Variants in LHX2 observed in about 807,000 individuals in gnomAD.
The protein encoded by LHX2 is LIM/homeobox protein Lhx2.
In LHX2, 6 loss-of-function variants were observed where a neutral mutation model predicts 33.0. That is an observed-to-expected ratio of 0.18 (90% CI 0.10 to 0.36). The LOEUF (loss-of-function observed/expected upper bound fraction) is 0.36. LHX2 is among the 10% of genes least tolerant of loss of function. The pLI is 1.00. For synonymous variants in LHX2, 292 were observed against 253.1 expected (o/e 1.15, Z -1.46); for missense variants, 442 against 586.2 (o/e 0.75, Z 2.54).
At position 124,012,223 on chromosome 9, in the gene LHX2, G is replaced by T; in HGVS notation, c.-126G>T. 1 of 993,874 alleles carries T rather than the reference G, an allele frequency of 1.0e-6. No homozygotes were observed. Among genetic ancestry groups the T allele is most frequent in the Non-Finnish European group, 1.3e-6 (1 of 786,360 alleles). 61.6% of individuals were successfully genotyped at this position (993,874 alleles called of 1,614,324 possible). On this transcript the variant is annotated 5_prime_UTR_variant, in exon 1 of 5. Coordinates refer to ENST00000373615, the MANE Select transcript of LHX2 (RefSeq NM_004789.4). The surrounding 1 kb of genome is among the most constrained non-coding windows in gnomAD (Gnocchi z 4.3). ...CCGGCCTGGGGGCTCAGCCGAGCTC[G>T]GGCGGGGCCGGGGCCGCGGTGGCGA...
chr9:124,030,270 C>T (rs72757181), intron 4 of LHX2, among the ~76,000 whole-genome samples: 9,522 of 152,284 alleles, frequency 0.063, 402 homozygotes, highest in Non-Finnish European at 0.088. Context: ...CCAAGGGGTG[C>T]GTGGGGCCAG....
rs1205413734 is a variant in LHX2 at position 124,014,277 on chromosome 9, A to G, written c.323+114A>G. 8.0e-6 allele frequency: 5 copies of G among 627,910 alleles called. No individual in the cohort carries two copies. Among genetic ancestry groups the G allele is most frequent in the Non-Finnish European group, 1.2e-5 (4 of 342,078 alleles). 38.9% of individuals were successfully genotyped at this position (627,910 alleles called of 1,614,324 possible). On this transcript the variant is annotated intron_variant, in intron 2 of 4. Transcript: ENST00000373615. This position sits in a 1 kb window ranked among gnomAD's most constrained non-coding sequence, Gnocchi z 4.8. ...CCCAGGAGAGGGTTCACTACTCAGG[A>G]CTCCCCCGCTCCCCCCCCAAGTTCT... is the stretch of plus-strand genomic sequence containing the variant.
At chr9:124,025,885 T>C (rs1371002657) in intron 4 of LHX2, among the ~76,000 whole-genome samples, 1 of 152,050 alleles carries the variant, frequency 6.6e-6, no homozygotes, top group Non-Finnish European at 1.5e-5. Context: ...CTCGGGAGGC[T>C]GAGGCAGGAG....
At chr9:124,027,094 C>T (rs1208744221) in intron 4 of LHX2, among the ~76,000 whole-genome samples, 2 of 152,098 alleles carry the variant, frequency 1.3e-5, no homozygotes, top group Non-Finnish European at 1.5e-5. Context: ...AGTGACTTTC[C>T]CAAGAACCAC....
chr9:124,014,387 A>G lies in LHX2; in HGVS notation c.323+224A>G, dbSNP rs1403009771. Among the ~76,000 whole-genome samples the G allele has an allele frequency of 1.3e-5, 2 of 151,972 alleles. No individual in the cohort carries two copies. Among genetic ancestry groups the G allele is most frequent in the Non-Finnish European group, 2.9e-5 (2 of 68,008 alleles). The stretch of plus-strand genomic sequence containing the variant: ...AAGGTCTACGAAGTAGGAGAACCAG[A>G]AAAAAAGCAGAAGCTGCCCTCCTGC... On this transcript the variant is annotated intron_variant, in intron 2 of 4. Transcript: ENST00000373615. This position sits in a 1 kb window ranked among gnomAD's most constrained non-coding sequence, Gnocchi z 4.8.
chr9:124,017,421 G>T (rs189790299), intron 3 of LHX2, among the ~76,000 whole-genome samples: 1 of 152,304 alleles, frequency 6.6e-6, no homozygotes, highest in African/African-American at 2.4e-5. Flanking sequence ...GCCCAGCCCA[G>T]TCTTCCTAGA....
intron 4 of LHX2, among the ~76,000 whole-genome samples, chr9:124,022,029 A>G (rs1253290880): frequency 1.3e-5 from 2 of 152,102 alleles, no homozygotes; most frequent in African/African-American, 4.8e-5. Context: ...AAGATCCAGA[A>G]CTTTCACCAA....
chr9:124,015,490 C>T lies in LHX2; in HGVS notation c.692C>T (p.Pro231Leu), dbSNP rs776604677. 6.8e-6 allele frequency: 10 copies of T among 1,480,562 alleles called. No individual in the cohort carries two copies. In the African/African-American group the frequency reaches 8.5e-5, roughly 13 times the overall value. The allele number at this position is 1,480,562 out of a possible 1,614,324, so 91.7% of individuals were successfully genotyped here. A position where few individuals can be genotyped will look rare whatever the true frequency, so the allele number is the denominator to read the frequency against. Reference protein sequence around the residue: ...QKGRPRKRKSPGPGADLAAYN... With the variant: ...QKGRPRKRKSLGPGADLAAYN... ...GGGCGGCCGAGGAAACGTAAGAGCCCGGGCCCCGGTGCGGATCTGGCGGCC... is the reference window on the plus strand; with the variant it reads ...GGGCGGCCGAGGAAACGTAAGAGCCTGGGCCCCGGTGCGGATCTGGCGGCC... Residue 231 changes from proline (P) to leucine (L), a missense_variant, in exon 3 of 5, where the codon CCG becomes CTG. By Grantham distance (98) the Pro-to-Leu change is moderately conservative. Coordinates refer to ENST00000373615, the MANE Select transcript of LHX2 (RefSeq NM_004789.4). This position sits in a 1 kb window ranked among gnomAD's most constrained non-coding sequence, Gnocchi z 7.9.
rs745329378 is a variant in LHX2 at position 124,015,224 on chromosome 9, G to C, written c.426G>C (p.Thr142=). The C allele has an allele frequency of 6.2e-7, 1 of 1,614,140 alleles. No homozygotes were observed. The highest frequency in any genetic ancestry group is 1.1e-5 in the South Asian group (1 of 91,086). Residue 142 remains threonine, a synonymous_variant, in exon 3 of 5, where the codon ACG becomes ACC. Coordinates refer to ENST00000373615, the MANE Select transcript of LHX2 (RefSeq NM_004789.4). The surrounding 1 kb of genome is among the most constrained non-coding windows in gnomAD (Gnocchi z 7.9). ...RDLVYHLNCF[T]CTTCNKMLTT... is the part of the protein sequence containing the mutation. Reference sequence around the variant, plus strand: ...TGGTTTATCACCTCAACTGCTTCACGTGCACCACGTGTAACAAGATGCTGA... The same window carrying C: ...TGGTTTATCACCTCAACTGCTTCACCTGCACCACGTGTAACAAGATGCTGA...
In LHX2 at chr9:124,015,200, G is replaced by T. The variant is rs763890377; in HGVS notation, c.402G>T (p.Leu134Phe). ...AGATGGTGATGCGCGCTCGGGACTTGGTTTATCACCTCAACTGCTTCACGT... is the reference window on the plus strand; with the variant it reads ...AGATGGTGATGCGCGCTCGGGACTTTGTTTATCACCTCAACTGCTTCACGT... ...ASEMVMRARD[L>F]VYHLNCFTCT... The change falls in exon 3 of 5, where the codon TTG (leucine) becomes TTT (phenylalanine). Residue 134 changes from leucine to phenylalanine, a missense_variant. By Grantham distance (22) the Leu-to-Phe change is conservative. This residue lies in a region of LHX2 where 72 missense variants were observed against 171.6 expected (regional missense o/e 0.42). Transcript: ENST00000373615. This position sits in a 1 kb window ranked among gnomAD's most constrained non-coding sequence, Gnocchi z 7.9. 5 of 1,614,134 alleles carry T rather than the reference G, an allele frequency of 3.1e-6. No homozygotes were observed. The highest frequency in any genetic ancestry group is 4.2e-6 in the Non-Finnish European group (5 of 1,180,050).
rs979762975 is a variant in LHX2, at chr9:124,021,143, C to A, written c.772C>A (p.Gln258Lys). The A allele has an allele frequency of 6.2e-7, 1 of 1,614,180 alleles. No individual in the cohort carries two copies. The highest frequency in any genetic ancestry group is 8.5e-7 in the Non-Finnish European group (1 of 1,180,040). ...ENDAEHLDRD[Q>K]PYPSSQKTKR... ...CGACGCAGAGCACCTGGACCGTGAC[C>A]AGCCATACCCGAGCAGCCAGAAGAC... Residue 258 changes from glutamine (Q) to lysine (K), a missense_variant, in exon 4 of 5, where the codon CAG becomes AAG. Physicochemically the swap from Gln to Lys is moderately conservative, Grantham distance 53. Coordinates refer to ENST00000373615, the MANE Select transcript of LHX2 (RefSeq NM_004789.4).
At chr9:124,018,215 T>G (rs1352360041) in intron 3 of LHX2, among the ~76,000 whole-genome samples, 4 of 150,598 alleles carry the variant, frequency 2.7e-5, no homozygotes, top group Non-Finnish European at 5.9e-5. Context: ...AGATCACGAG[T>G]AAATTATTCA....
Position 124,032,771 on chromosome 9 carries a change from G to T in LHX2, c.*64G>T, listed in dbSNP as rs1238075983. On this transcript the variant is annotated 3_prime_UTR_variant, in exon 5 of 5. Coordinates refer to ENST00000373615, the MANE Select transcript of LHX2 (RefSeq NM_004789.4). This position sits in a 1 kb window ranked among gnomAD's most constrained non-coding sequence, Gnocchi z 4.1. ...GAAATTATCTTTAGTTGAATTCCAAGTGTATTTTAAAATAGAGGCTTTGAG... is the reference window on the plus strand; with the variant it reads ...GAAATTATCTTTAGTTGAATTCCAATTGTATTTTAAAATAGAGGCTTTGAG... 1.4e-6 allele frequency: 2 copies of T among 1,480,612 alleles called. No homozygotes were observed. The highest frequency in any genetic ancestry group is 1.8e-6 in the Non-Finnish European group (2 of 1,103,916). 91.7% of individuals were successfully genotyped at this position (1,480,612 alleles called of 1,614,324 possible). A position where few individuals can be genotyped will look rare whatever the true frequency, so the allele number is the denominator to read the frequency against.
intron 4 of LHX2, among the ~76,000 whole-genome samples, chr9:124,030,048 G>A (rs1828686690): frequency 6.6e-6 from 1 of 152,224 alleles, no homozygotes; most frequent in African/African-American, 2.4e-5. Flanking sequence ...AAGGGGTGAT[G>A]GGCTTTCTTT....
At chr9:124,018,212 G>A (rs1859226829) in intron 3 of LHX2, among the ~76,000 whole-genome samples, 1 of 151,682 alleles carries the variant, frequency 6.6e-6, no homozygotes, top group Non-Finnish European at 1.5e-5. Flanking sequence ...AACAGATCAC[G>A]AGTAAATTAT....
At chr9:124,028,062 A>G (rs1454564399) in intron 4 of LHX2, among the ~76,000 whole-genome samples, 1 of 152,290 alleles carries the variant, frequency 6.6e-6, no homozygotes, top group East Asian at 1.9e-4. Flanking sequence ...ATGGGCATGA[A>G]GCTTTCATCT....
intron 4 of LHX2, among the ~76,000 whole-genome samples, chr9:124,023,476 CA>C (rs1828553652): frequency 6.6e-6 from 1 of 152,122 alleles, no homozygotes; most frequent in Admixed American, 6.5e-5. Context: ...GAACCGGGTT[CA>C]GGAAGACCTG....
chr9:124,027,901 A>AG (rs1218012227), intron 4 of LHX2, among the ~76,000 whole-genome samples: 1 of 127,612 alleles, frequency 7.8e-6, no homozygotes, highest in Non-Finnish European at 1.8e-5. Context: ...CAGAAGGCAT[A>AG]GTTTTTTTTT....
Position 124,021,127 on chromosome 9 carries a change from G to A in LHX2, c.756G>A (p.Glu252=), listed in dbSNP as rs1198268303. 5 of 1,614,020 alleles carry A rather than the reference G, an allele frequency of 3.1e-6. No homozygotes were observed. The Admixed American group carries it at 8.3e-5, about 27-fold the overall frequency. The change falls in exon 4 of 5, where the codon GAG becomes GAA. Residue 252 remains glutamate, a synonymous_variant. Coordinates refer to ENST00000373615, the MANE Select transcript of LHX2 (RefSeq NM_004789.4). The stretch of plus-strand genomic sequence containing the variant: ...TAAGCTGCAACGAAAACGACGCAGA[G>A]CACCTGGACCGTGACCAGCCATACC... ...AALSCNENDA[E]HLDRDQPYPS...
Sources: allele counts gnomAD v4.1 joint callset (sites outside exome capture counted in the v4.1 genomes callset), GRCh38; gene constraint gnomAD v4.1.1; regional missense constraint gnomAD v4.1.1; non-coding constraint Gnocchi (gnomAD v3.1); transcripts MANE v1.5; gene names NCBI Gene and HGNC (gene_info 2026-07-23, HGNC 2026-07-21).